TRPM3: variants seen among roughly 807,000 people sequenced by gnomAD.
TRPM3 encodes long transient receptor potential channel 3.
TRPM3 carries 77 observed loss-of-function variants against 181.2 expected under a neutral mutation model. The observed-to-expected ratio is 0.42, with a 90% CI of 0.35 to 0.51. The LOEUF is 0.51. TRPM3 is among the 20% of genes least tolerant of loss of function. The pLI is 0.01. For synonymous variants in TRPM3, 745 were observed against 796.4 expected (o/e 0.94, Z 1.09); for missense variants, 1,759 against 2,196.7 (o/e 0.80, Z 3.98).
chr9:70,865,709 C>T (rs999133520), intron 1 of TRPM3, among the ~76,000 whole-genome samples: 4 of 152,156 alleles, frequency 2.6e-5, no homozygotes, highest in Middle Eastern at 3.4e-3. Context: ...TTTAGGCAAG[C>T]ATGTGGCACC....
chr9:70,763,909 GCAT>G (rs2078620476), intron 7 of TRPM3, among the ~76,000 whole-genome samples: 1 of 152,174 alleles, frequency 6.6e-6, no homozygotes, highest in Non-Finnish European at 1.5e-5. Context: ...GAATGAATGA[GCAT>G]CGGCATAGTT....
At chr9:71,212,504 A>G (rs1210989414) in intron 1 of TRPM3, among the ~76,000 whole-genome samples, 1 of 152,192 alleles carries the variant, frequency 6.6e-6, no homozygotes, top group Non-Finnish European at 1.5e-5. Flanking sequence ...TAATCTCTTT[A>G]CCACAGGAAC....
At chr9:70,991,419 GAT>G (rs941779411) in intron 1 of TRPM3, among the ~76,000 whole-genome samples, 2 of 152,014 alleles carry the variant, frequency 1.3e-5, no homozygotes, top group African/African-American at 2.4e-5. Flanking sequence ...TCAAAATTAC[GAT>G]AGTTATTAGA....
chr9:70,797,811 A>G (rs557727138), intron 6 of TRPM3, among the ~76,000 whole-genome samples: 9 of 152,266 alleles, frequency 5.9e-5, no homozygotes, highest in African/African-American at 2.2e-4. Flanking sequence ...AGAACCTGAG[A>G]TCCCTCAGCT....
At chr9:70,877,830 C>CACACACACACACACACACACAT (rs1554756943) in intron 1 of TRPM3, among the ~76,000 whole-genome samples, 1 of 150,922 alleles carries the variant, frequency 6.6e-6, no homozygotes, top group Non-Finnish European at 1.5e-5. Flanking sequence ...CACACACACA[C>CACACACACACACACACACACAT]TCCCATGAAA....
chr9:71,230,695 T>G (rs1313397572), intron 1 of TRPM3, among the ~76,000 whole-genome samples: 1 of 152,192 alleles, frequency 6.6e-6, no homozygotes, highest in African/African-American at 2.4e-5. Context: ...CAAAGTAGAC[T>G]TGATTTAGGT....
chr9:70,755,824 C>A (rs1009211133), intron 8 of TRPM3, among the ~76,000 whole-genome samples: 6 of 152,022 alleles, frequency 3.9e-5, no homozygotes, highest in Non-Finnish European at 7.4e-5. Context: ...CTGAAGGAGG[C>A]GCTAAATATG....
intron 1 of TRPM3, among the ~76,000 whole-genome samples, chr9:71,115,695 T>G (rs2072201093): frequency 6.6e-6 from 1 of 151,982 alleles, no homozygotes; most frequent in African/African-American, 2.4e-5. Flanking sequence ...CATCCCAGAG[T>G]GCAGTGGCCC....
At chr9:70,903,802 T>C (rs535692676) in intron 1 of TRPM3, among the ~76,000 whole-genome samples, 2 of 152,326 alleles carry the variant, frequency 1.3e-5, no homozygotes, top group South Asian at 4.1e-4. Flanking sequence ...ATATAAGAGA[T>C]GTACAATGAA....
intron 1 of TRPM3, among the ~76,000 whole-genome samples, chr9:71,246,057 A>G (rs7024634): frequency 0.4 from 61,316 of 152,112 alleles, 13,194 homozygotes; most frequent in East Asian, 0.52. Context: ...TACAACTTTT[A>G]AAATTACACA....
At chr9:70,827,814 C>CG (rs1564475996) in intron 6 of TRPM3, 33 bp downstream of exon 6, 1 of 1,604,698 alleles carries the variant, frequency 6.2e-7, no homozygotes, top group Non-Finnish European at 8.5e-7. Context: ...ATACCTCCTA[C>CG]GAGCCATGCC....
At chr9:70,892,573 T>G (rs1157751681) in intron 1 of TRPM3, among the ~76,000 whole-genome samples, 1 of 150,728 alleles carries the variant, frequency 6.6e-6, no homozygotes, top group Admixed American at 6.6e-5. Context: ...CATTGCTACT[T>G]CTTTAGGTTC....
intron 1 of TRPM3, among the ~76,000 whole-genome samples, chr9:70,872,271 G>C (rs1395318625): frequency 6.6e-6 from 1 of 151,880 alleles, no homozygotes; most frequent in Non-Finnish European, 1.5e-5. Context: ...AACTGGCCCT[G>C]GTCAACCCTT....
chr9:70,995,719 G>A lies in TRPM3; in HGVS notation c.177+125459C>T, dbSNP rs369474507. Among the ~76,000 whole-genome samples, 14 of 152,254 alleles carry A rather than the reference G, an allele frequency of 9.2e-5. No homozygotes were observed. In the East Asian group the frequency reaches 1.2e-3, roughly 13 times the overall value. On this transcript the variant is annotated intron_variant, in intron 1 of 25. Coordinates refer to ENST00000677713, the MANE Select transcript of TRPM3 (RefSeq NM_001366145.2). ...AGCATCTTTCCAGACGTATGGGCAA[G>A]ATGACACATAAACTCAGCATGCCAG...
chr9:70,622,343 CCTT>C (rs1479581102), intron 14 of TRPM3, among the ~76,000 whole-genome samples: 1 of 152,168 alleles, frequency 6.6e-6, no homozygotes, highest in African/African-American at 2.4e-5. Flanking sequence ...AACAAGGAAA[CCTT>C]CTATCAAGCA....
upstream of TRPM3, chr9:71,121,628 T>G: frequency 1.0e-5 from 12 of 1,179,652 alleles, no homozygotes; most frequent in East Asian, 4.3e-5. Context: ...GAATGCGCGC[T>G]CCCTCTCCCG....
At chr9:71,278,323 G>A (rs545406086) in intron 1 of TRPM3, among the ~76,000 whole-genome samples, 1 of 152,328 alleles carries the variant, frequency 6.6e-6, no homozygotes, top group East Asian at 1.9e-4. Flanking sequence ...CAGAACATTA[G>A]CACTTGGCCA....
intron 1 of TRPM3, among the ~76,000 whole-genome samples, chr9:71,426,554 G>C (rs549521841): frequency 7.9e-5 from 12 of 151,984 alleles, no homozygotes; most frequent in African/African-American, 2.4e-4. Flanking sequence ...GGCTGGCTTC[G>C]GGGACATGAG....
chr9:70,828,779 G>A, intron 5 of TRPM3, among the ~76,000 whole-genome samples: 1 of 144,094 alleles, frequency 6.9e-6, no homozygotes, highest in Middle Eastern at 3.5e-3. Context: ...TATATTCCTT[G>A]CGACGATCCT....
Sources: allele counts gnomAD v4.1 joint callset (sites outside exome capture counted in the v4.1 genomes callset), GRCh38; gene constraint gnomAD v4.1.1; transcripts MANE v1.5; gene names NCBI Gene and HGNC (gene_info 2026-07-23, HGNC 2026-07-21).